Variants in TMEM184C observed in about 807,000 individuals in gnomAD.
TMEM184C encodes the protein transmembrane protein 184C, also known as transmembrane protein 34.
A neutral mutation model predicts 54.5 loss-of-function variants in TMEM184C; 25 were observed. That is an observed-to-expected ratio of 0.46 (90% CI 0.33 to 0.64). TMEM184C has a LOEUF of 0.64. TMEM184C is among the 30% of genes least tolerant of loss of function. The probability of loss-of-function intolerance (pLI) is 0.02; values close to 1 mark genes in which losing one functional copy is unlikely to be tolerated. For missense variants in TMEM184C, 335 were observed against 520.3 expected, an observed-to-expected ratio of 0.64 and a Z score of 3.46; for synonymous variants, 148 against 181.5, an observed-to-expected ratio of 0.82 and a Z score of 1.49.
At chr4:147,632,188 AAG>A (rs1453789148) in intron 7 of TMEM184C, among the ~76,000 whole-genome samples, 1 of 151,540 alleles carries the variant, frequency 6.6e-6, no homozygotes, top group African/African-American at 2.4e-5. Flanking sequence ...AAAAAAAAAA[AAG>A]AATTTAGTAA....
Position 147,635,376 on chromosome 4 carries a change from T to G in TMEM184C, c.*942T>G, listed in dbSNP as rs1291738772. 3 of 152,216 alleles carry G rather than the reference T, an allele frequency of 2.0e-5. No individual in the cohort carries two copies. The highest frequency in any genetic ancestry group is 3.2e-3 in the Middle Eastern group (1 of 316). 9.4% of individuals were successfully genotyped at this position (152,216 alleles called of 1,614,324 possible). ...TTAAAGGTGGCAGCAAATGTAAATC[T>G]TGGCTGAATGGTCTTAATTACTCAT... is the stretch of plus-strand genomic sequence containing the variant. On this transcript the variant is annotated 3_prime_UTR_variant, in exon 10 of 10. Transcript: ENST00000296582.
At chr4:147,618,222 T>G in intron 1 of TMEM184C, 143 bp downstream of exon 1, 1 of 1,235,454 alleles carries the variant, frequency 8.1e-7, no homozygotes. Flanking sequence ...TATAAACCTG[T>G]CTAATTTCTT....
intron 4 of TMEM184C, 83 bp from the exon 5 acceptor site, chr4:147,628,278 G>A (rs1207742424): frequency 9.6e-6 from 10 of 1,045,358 alleles, no homozygotes; most frequent in African/African-American, 3.2e-5. Context: ...ATTCATCAAA[G>A]TGATTTTAAT....
intron 6 of TMEM184C, 87 bp downstream of exon 6, chr4:147,629,779 G>A (rs964607440): frequency 2.4e-6 from 2 of 839,236 alleles, no homozygotes. Context: ...CTTAGGATAA[G>A]GCTTGCTTCT....
chr4:147,628,173 A>T (rs764101543), intron 4 of TMEM184C, among the ~76,000 whole-genome samples, 188 bp from the exon 5 acceptor site: 1 of 152,240 alleles, frequency 6.6e-6, no homozygotes, highest in Non-Finnish European at 1.5e-5. Context: ...AAAATAAAAA[A>T]GGTATTTAGA....
intron 1 of TMEM184C, among the ~76,000 whole-genome samples, chr4:147,619,935 C>T (rs1732675874): frequency 6.6e-6 from 1 of 152,150 alleles, no homozygotes; most frequent in African/African-American, 2.4e-5. Flanking sequence ...TCACTGTGGC[C>T]ATCAAGGTCC....
At chr4:147,621,119 T>C (rs983588311) in intron 1 of TMEM184C, among the ~76,000 whole-genome samples, 2 of 152,200 alleles carry the variant, frequency 1.3e-5, no homozygotes, top group Non-Finnish European at 2.9e-5. Context: ...TGGCTGACCA[T>C]GTATACCTGA....
In TMEM184C at chr4:147,617,932, A is replaced by T. The variant is rs762559292; in HGVS notation, c.-25A>T. On this transcript the variant is annotated 5_prime_UTR_variant, in exon 1 of 10. The change abolishes the stop of an existing upstream ORF in the 5' untranslated region. Transcript: ENST00000296582. ...TCTTTTCGAGATCTTTTCCCTTGCT[A>T]ACCGGATCTGATTTGTGCGAAAACA... 2.5e-6 allele frequency: 4 copies of T among 1,613,408 alleles called. No homozygotes were observed. The African/African-American group carries it at 5.3e-5, about 22-fold the overall frequency.
chr4:147,629,292 T>A (rs913761444), intron 5 of TMEM184C, among the ~76,000 whole-genome samples: 7 of 152,212 alleles, frequency 4.6e-5, no homozygotes, highest in East Asian at 3.9e-4. Context: ...TGTTTTTTTT[T>A]AAATTTAGTA....
chr4:147,632,018 A>G (rs1288615363), intron 7 of TMEM184C, among the ~76,000 whole-genome samples: 1 of 152,082 alleles, frequency 6.6e-6, no homozygotes, highest in South Asian at 2.1e-4. Flanking sequence ...TACTAAAAAT[A>G]CAAAAATCAG....
At chr4:147,626,667 G>A (rs556196603) in intron 4 of TMEM184C, among the ~76,000 whole-genome samples, 1 of 152,232 alleles carries the variant, frequency 6.6e-6, no homozygotes, top group African/African-American at 2.4e-5. Context: ...AATATATGTT[G>A]AGCACCAAGT....
chr4:147,634,150 A>G lies in TMEM184C; in HGVS notation c.1052-19A>G. The G allele has an allele frequency of 1.2e-6, 2 of 1,600,642 alleles. No homozygotes were observed. ...ATGGTAAAAATAACTTTTGACTAAC[A>G]GAAAACTTTATATTAAAGGACGGAC... On this transcript the variant is annotated intron_variant, in intron 9 of 9. Coordinates refer to ENST00000296582, the MANE Select transcript of TMEM184C (RefSeq NM_018241.3).
chr4:147,628,267 C>T lies in TMEM184C; in HGVS notation c.498-94C>T, dbSNP rs1578860205. ...AAAGAATTAACTGTAAATATGGTATCATTCATCAAAGTGATTTTAATTTGG... is the reference window on the plus strand; with the variant it reads ...AAAGAATTAACTGTAAATATGGTATTATTCATCAAAGTGATTTTAATTTGG... On this transcript the variant is annotated intron_variant, in intron 4 of 9. Transcript: ENST00000296582. The T allele has an allele frequency of 8.9e-6, 8 of 901,130 alleles. No individual in the cohort carries two copies. The East Asian group carries it at 2.0e-4, about 22-fold the overall frequency. 55.8% of individuals were successfully genotyped at this position (901,130 alleles called of 1,614,324 possible).
chr4:147,629,312 G>C (rs1383289432), intron 5 of TMEM184C, among the ~76,000 whole-genome samples: 1 of 151,816 alleles, frequency 6.6e-6, no homozygotes, highest in Non-Finnish European at 1.5e-5. Context: ...ACTCTTTCTA[G>C]TTAAGTGTTA....
chr4:147,620,824 G>A lies in TMEM184C; in HGVS notation c.123+2745G>A, dbSNP rs1215481317. Among the ~76,000 whole-genome samples the A allele has an allele frequency of 2.6e-5, 4 of 152,168 alleles. No homozygotes were observed. In the East Asian group the frequency reaches 5.8e-4, roughly 22 times the overall value. The stretch of plus-strand genomic sequence containing the variant: ...TTGAGAGAAATTGAGTTCTGTTATG[G>A]ACATTTAGTTTAATAAGAGACATTC... On this transcript the variant is annotated intron_variant, in intron 1 of 9. Transcript: ENST00000296582.
chr4:147,634,347 A>C lies in TMEM184C; in HGVS notation c.1230A>C (p.Thr410=), dbSNP rs762102762. 1.2e-5 allele frequency: 20 copies of C among 1,614,028 alleles called. No individual in the cohort carries two copies. Among genetic ancestry groups the C allele is most frequent in the Non-Finnish European group, 1.5e-5 (18 of 1,180,010 alleles). Residue 410 remains threonine, a synonymous_variant, in exon 10 of 10, where the codon ACA becomes ACC. Coordinates refer to ENST00000296582, the MANE Select transcript of TMEM184C (RefSeq NM_018241.3). ...GFGHTVTPQT[T]PTTAKISDEI... ...GACACACTGTGACTCCCCAGACTAC[A>C]CCTACCACAGCTAAGATATCTGATG...
Position 147,634,512 on chromosome 4 carries a change from G to C in TMEM184C, c.*78G>C, listed in dbSNP as rs1732977430. On this transcript the variant is annotated 3_prime_UTR_variant, in exon 10 of 10. Transcript: ENST00000296582. ...TCCCATGGATTTTGTGCTTGGGACA[G>C]ACCATAAATGATGGAAAATGTCAAC... 6.8e-7 allele frequency: 1 copy of C among 1,467,480 alleles called. No homozygotes were observed. Among genetic ancestry groups the C allele is most frequent in the South Asian group, 1.4e-5 (1 of 69,378 alleles). The allele number at this position is 1,467,480 out of a possible 1,614,324, so 90.9% of individuals were successfully genotyped here.
At chr4:147,624,181 T>C in intron 3 of TMEM184C, 83 bp downstream of exon 3, 1 of 1,226,350 alleles carries the variant, frequency 8.2e-7, no homozygotes, top group Non-Finnish European at 1.1e-6. Flanking sequence ...ATAATGAAAG[T>C]ATGTTATTGA....
Position 147,632,938 on chromosome 4 carries a change from G to A in TMEM184C, c.815G>A (p.Gly272Asp). The A allele has an allele frequency of 1.2e-6, 2 of 1,613,946 alleles. No individual in the cohort carries two copies. The highest frequency in any genetic ancestry group is 1.7e-6 in the Non-Finnish European group (2 of 1,179,918). ...GTTATTGCTTTGTTGGTAAAAGTTG[G>A]CGTTATTTCTGAAAAGCATACGTGG... ...AVVIALLVKVGVISEKHTWEW... is the reference protein window; with the variant it reads ...AVVIALLVKVDVISEKHTWEW... Residue 272 changes from glycine (G) to aspartate (D), a missense_variant, in exon 8 of 10, where the codon GGC (glycine) becomes GAC (aspartate). Coordinates refer to ENST00000296582, the MANE Select transcript of TMEM184C (RefSeq NM_018241.3).
Sources: gnomAD v4.1 joint callset for allele counts (sites outside exome capture counted in the v4.1 genomes callset) on GRCh38, gnomAD v4.1.1 for gene constraint, MANE v1.5 for transcripts, NCBI Gene and HGNC (gene_info 2026-07-23, HGNC 2026-07-21) for gene names.